Variants in LAMA1 observed in about 807,000 individuals in gnomAD.
LAMA1 encodes laminin subunit alpha 1.
In LAMA1, 219 loss-of-function variants were observed where a neutral mutation model predicts 348.7. That is an observed-to-expected ratio of 0.63 (90% CI 0.56 to 0.70). LAMA1 has a LOEUF of 0.70. LAMA1 is among the 30% of genes least tolerant of loss of function. The pLI, the probability that LAMA1 is intolerant of heterozygous loss-of-function variation, is 0.00. For missense variants in LAMA1, 3,744 were observed against 3,888.0 expected (o/e 0.96, Z 0.99); for synonymous variants, 1,487 against 1,491.0 (o/e 1.00, Z 0.06).
At position 7,080,508 on chromosome 18, in the gene LAMA1, T is replaced by G. The variant is rs563269085; in HGVS notation, c.62-51A>C. ...GCTGAGCCACTTGAAATCCAAAGAA[T>G]GAGCTTACCCCATCCCACTTGGTAG... On this transcript the variant is annotated intron_variant, in intron 1 of 62. Transcript: ENST00000389658. 3.5e-5 allele frequency: 55 copies of G among 1,588,738 alleles called. 1 individual carries two copies. The South Asian group carries it at 6.0e-4, about 17-fold the overall frequency.
At chr18:6,992,774 C>T (rs2057764584) in intron 35 of LAMA1, 54 bp from the exon 36 acceptor site, 1 of 1,464,682 alleles carries the variant, frequency 6.8e-7, no homozygotes, top group South Asian at 1.1e-5. Flanking sequence ...TGGCTAGTAC[C>T]AAGTGAAGAA....
chr18:6,960,785 CCTGA>C (rs1413905274), intron 53 of LAMA1: 2 of 152,058 alleles, frequency 1.3e-5, no homozygotes, highest in African/African-American at 4.8e-5. Flanking sequence ...GTGTTCCAGT[CCTGA>C]CTGTGACTCA....
At chr18:6,955,494 C>G in intron 56 of LAMA1, 29 bp from the exon 57 acceptor site, 2 of 1,563,618 alleles carry the variant, frequency 1.3e-6, no homozygotes, top group Non-Finnish European at 1.8e-6. Flanking sequence ...GACACTCAGC[C>G]GCCACCCGCA....
In LAMA1 at chr18:6,975,020, A is replaced by C; in HGVS notation, c.6506T>G (p.Val2169Gly). ...GSSTASDFLA[V>G]EMRRGRVAFL... ...GGCCACTCTCCCTCGCCGCATCTCCACTGCAAGGAAATCAGACTGGGGGGC... is the reference window on the plus strand; with the variant it reads ...GGCCACTCTCCCTCGCCGCATCTCCCCTGCAAGGAAATCAGACTGGGGGGC... Residue 2169 changes from valine to glycine, a missense_variant, in exon 46 of 63, where the codon GTG (valine) becomes GGG (glycine). Val to Gly is a moderately radical substitution (Grantham distance 109, BLOSUM62 -3). Transcript: ENST00000389658. 1 of 1,613,872 alleles carries C rather than the reference A, an allele frequency of 6.2e-7. No homozygotes were observed.
At position 7,017,302 on chromosome 18, in the gene LAMA1, A is replaced by C. The variant is rs199655492; in HGVS notation, c.2784T>G (p.Thr928=). The C allele has an allele frequency of 6.2e-7, 1 of 1,613,756 alleles. No homozygotes were observed. The highest frequency in any genetic ancestry group is 1.1e-5 in the South Asian group (1 of 91,000). ...CCAAGCACTGGTCACACTGCTGTCC[A>C]GTCACGTTTGGTTTGCAGTCACAGA... ...TGLCDCKPNV[T]GQQCDQCLHG... The change falls in exon 20 of 63, where the codon ACT becomes ACG. Residue 928 remains threonine (T), a synonymous_variant. Coordinates refer to ENST00000389658, the MANE Select transcript of LAMA1 (RefSeq NM_005559.4).
chr18:7,086,170 C>T (rs1238465364), intron 1 of LAMA1, among the ~76,000 whole-genome samples: 2 of 152,166 alleles, frequency 1.3e-5, no homozygotes, highest in Non-Finnish European at 2.9e-5. Context: ...GATGAATGAC[C>T]GAGCTTTTCC....
intron 48 of LAMA1, among the ~76,000 whole-genome samples, chr18:6,969,567 C>A (rs1268372739): frequency 6.6e-6 from 1 of 152,174 alleles, no homozygotes; most frequent in Non-Finnish European, 1.5e-5. Context: ...TCTTTACAAA[C>A]ACGTATTTTT....
At position 6,947,128 on chromosome 18, in the gene LAMA1, GGGGA is replaced by G. The variant is rs557890538; in HGVS notation, c.8844+31_8844+34del. On this transcript the variant is annotated intron_variant, in intron 61 of 62. Transcript: ENST00000389658. ...TCAATTGCTCTGTCTCTGACACTGG[GGGGA>G]GGAAGACCCTCATGGAGAGGAAGCA... is the stretch of plus-strand genomic sequence containing the variant. 4,420 of 1,613,808 alleles carry G rather than the reference GGGGA, an allele frequency of 2.7e-3. 8 individuals are homozygous for G. The highest frequency in any genetic ancestry group is 3.3e-3 in the Non-Finnish European group (3,870 of 1,179,758).
intron 32 of LAMA1, among the ~76,000 whole-genome samples, chr18:6,998,386 G>A (rs1359296672): frequency 2.6e-5 from 4 of 152,166 alleles, no homozygotes; most frequent in Non-Finnish European, 5.9e-5. Flanking sequence ...AAGACAGGCA[G>A]GGAGTTATGG....
intron 53 of LAMA1, chr18:6,959,739 A>G (rs2057598323): frequency 1.3e-5 from 6 of 471,806 alleles, no homozygotes; most frequent in East Asian, 4.4e-5. Flanking sequence ...GCATTGCCTC[A>G]TATTTATGGT....
In LAMA1 at chr18:7,015,846, G is replaced by A; in HGVS notation, c.3002C>T (p.Pro1001Leu). 6.2e-7 allele frequency: 1 copy of A among 1,614,142 alleles called. No homozygotes were observed. The highest frequency in any genetic ancestry group is 1.1e-5 in the South Asian group (1 of 91,076). Residue 1001 changes from proline to leucine, a missense_variant, in exon 22 of 63, where the codon CCA becomes CTA. Pro to Leu is a moderately conservative substitution (Grantham distance 98, BLOSUM62 -3). Transcript: ENST00000389658. Reference protein sequence around the residue: ...QDGSCTPCDCPHTQNTCDPET... With the variant: ...QDGSCTPCDCLHTQNTCDPET... ...TGGGTCGCAGGTATTCTGAGTGTGT[G>A]GGCAGTCACAGGCTGAAATAAAGAT...
chr18:7,117,759 C>A lies in LAMA1; in HGVS notation c.-39G>T, dbSNP rs1391281097. The A allele has an allele frequency of 6.4e-7, 1 of 1,568,712 alleles. No homozygotes were observed. Among genetic ancestry groups the A allele is most frequent in the East Asian group, 2.3e-5 (1 of 43,568 alleles). The stretch of plus-strand genomic sequence containing the variant: ...CCACTCGGTGGGTCTGGGGAGAAAG[C>A]CGCGCGCCCGCCTGGAACGCTCCAC... On this transcript the variant is annotated 5_prime_UTR_variant, in exon 1 of 63. Coordinates refer to ENST00000389658, the MANE Select transcript of LAMA1 (RefSeq NM_005559.4).
At chr18:7,098,894 G>A (rs11876654) in intron 1 of LAMA1, among the ~76,000 whole-genome samples, 35,813 of 140,830 alleles carry the variant, frequency 0.25, 3,606 homozygotes, top group East Asian at 0.48. Context: ...GAGGTGAGGG[G>A]CGCCTCTGCC....
intron 51 of LAMA1, among the ~76,000 whole-genome samples, chr18:6,962,926 G>A (rs2057614998): frequency 1.3e-5 from 2 of 152,162 alleles, no homozygotes; most frequent in South Asian, 4.1e-4. Context: ...TCCTGGCTGA[G>A]GTCAGGCTAT....
rs772367287 is a variant in LAMA1, at chr18:6,942,222, A to AT, written c.9084dup (p.Cys3029MetfsTer19). On this transcript the variant is annotated frameshift_variant, in exon 63 of 63. Transcript: ENST00000389658. LOFTEE classifies it low-confidence loss of function (END_TRUNC). ...CGGAACGAGGTCTGGCTGCGCAGGCATTTTTGCTTCACACCAGCTGTTCAG... is the reference window on the plus strand; with the variant it reads ...CGGAACGAGGTCTGGCTGCGCAGGCATTTTTTGCTTCACACCAGCTGTTCAG... The AT allele has an allele frequency of 9.9e-6, 16 of 1,614,144 alleles. No individual in the cohort carries two copies. The highest frequency in any genetic ancestry group is 1.3e-5 in the Non-Finnish European group (15 of 1,180,050).
chr18:6,973,141 T>G lies in LAMA1; in HGVS notation c.6690A>C (p.Thr2230=). 6.2e-7 allele frequency: 1 copy of G among 1,614,176 alleles called. No homozygotes were observed. The highest frequency in any genetic ancestry group is 8.5e-7 in the Non-Finnish European group (1 of 1,179,962). Reference sequence around the variant, plus strand: ...CATTAGCTGTCCCAGGGGATTTACTTGTTTTTGTTGGTGACTTTTGATTTG... The same window carrying G: ...CATTAGCTGTCCCAGGGGATTTACTGGTTTTTGTTGGTGACTTTTGATTTG... The part of the protein sequence containing the change: ...MSSNQKSPTK[T]SKSPGTANVL... The change falls in exon 47 of 63, where the codon ACA becomes ACC. Residue 2230 remains threonine (T), a synonymous_variant. Coordinates refer to ENST00000389658, the MANE Select transcript of LAMA1 (RefSeq NM_005559.4).
chr18:6,963,455 A>G (rs2057618021), intron 51 of LAMA1, among the ~76,000 whole-genome samples: 2 of 152,156 alleles, frequency 1.3e-5, no homozygotes, highest in Admixed American at 1.3e-4. Context: ...CAATTCTAAG[A>G]TCAGGAGGCG....
In LAMA1 at chr18:7,026,126, G is replaced by T; in HGVS notation, c.2275-20C>A. 3 of 1,609,332 alleles carry T rather than the reference G, an allele frequency of 1.9e-6. No homozygotes were observed. Among genetic ancestry groups the T allele is most frequent in the Non-Finnish European group, 2.5e-6 (3 of 1,177,442 alleles). ...ACACGCCTAGGAACATGCACCAGAA[G>T]AATCAGCTCAGGTTGTCTTAAAGGA... On this transcript the variant is annotated intron_variant, in intron 16 of 62. Coordinates refer to ENST00000389658, the MANE Select transcript of LAMA1 (RefSeq NM_005559.4).
intron 46 of LAMA1, among the ~76,000 whole-genome samples, chr18:6,974,588 C>T (rs1167720797): frequency 6.6e-6 from 1 of 151,506 alleles, no homozygotes; most frequent in Non-Finnish European, 1.5e-5. Context: ...TCTTGAGTAG[C>T]TGGGATTACA....
Sources: gnomAD v4.1 joint callset for allele counts (sites outside exome capture counted in the v4.1 genomes callset) on GRCh38, gnomAD v4.1.1 for gene constraint, MANE v1.5 for transcripts, NCBI Gene and HGNC (gene_info 2026-07-23, HGNC 2026-07-21) for gene names.